NDEL1: variants seen among roughly 807,000 people sequenced by gnomAD.
NDEL1 encodes the protein nudE neurodevelopment protein 1 like 1, also known as nuclear distribution protein nudE-like 1.
Under a neutral mutation model 45.7 loss-of-function variants are expected in NDEL1, and 9 were observed. The ratio of observed to expected loss-of-function variants is 0.20; its 90% CI spans 0.12 to 0.34. NDEL1 has a LOEUF of 0.34. Ranked by LOEUF, NDEL1 falls within the 10% of genes least tolerant of loss-of-function variation. The pLI is 1.00. For synonymous variants in NDEL1, 133 were observed against 158.6 expected (o/e 0.84, Z 1.21); for missense variants, 306 against 406.2 (o/e 0.75, Z 2.12).
At chr17:8,422,684 G>A (rs548812895) in intron 1 of NDEL1, among the ~76,000 whole-genome samples, 13 of 151,964 alleles carry the variant, frequency 8.6e-5, no homozygotes, top group African/African-American at 1.9e-4. Context: ...AATTTTCAAC[G>A]GAAAATGTTT....
At chr17:8,444,192 A>C in intron 1 of NDEL1, 68 bp from the exon 2 acceptor site, 1 of 1,002,912 alleles carries the variant, frequency 1.0e-6, no homozygotes, top group Non-Finnish European at 1.6e-6. Context: ...GTGTTGTCCC[A>C]GATTTTATGC....
downstream of NDEL1, among the ~76,000 whole-genome samples, chr17:8,469,802 C>T (rs1197200146): frequency 1.3e-5 from 2 of 151,004 alleles, no homozygotes; most frequent in Admixed American, 6.6e-5. Context: ...CTCCCGGGTT[C>T]CAGCGATTCT....
chr17:8,433,026 T>G (rs1245487373), upstream of NDEL1, among the ~76,000 whole-genome samples: 1 of 152,004 alleles, frequency 6.6e-6, no homozygotes, highest in African/African-American at 2.4e-5. Context: ...ACTACTTCCA[T>G]CTCTTGGTAG....
intron 4 of NDEL1, 88 bp downstream of exon 4, chr17:8,446,990 G>C: frequency 1.4e-6 from 2 of 1,468,786 alleles, no homozygotes; most frequent in Admixed American, 2.1e-5. Flanking sequence ...CTAGATCTTA[G>C]TCCCAGAACA....
chr17:8,454,328 A>C (rs1273035595), intron 6 of NDEL1, among the ~76,000 whole-genome samples: 6 of 152,190 alleles, frequency 3.9e-5, no homozygotes, highest in Non-Finnish European at 8.8e-5. Flanking sequence ...AAGAGATTCA[A>C]ATGACTAGTT....
upstream of NDEL1, among the ~76,000 whole-genome samples, chr17:8,432,328 A>AATATAT (rs1567722336): frequency 4.8e-4 from 51 of 106,482 alleles, no homozygotes; most frequent in African/African-American, 1.3e-3. Flanking sequence ...TTTATATATA[A>AATATAT]ATATATATAT....
chr17:8,450,749 T>C (rs376232434), intron 5 of NDEL1, 31 bp from the exon 6 acceptor site: 4 of 1,587,202 alleles, frequency 2.5e-6, no homozygotes, highest in Non-Finnish European at 3.4e-6. Context: ...CTCTAGTGAG[T>C]ATTCCTGCCC....
In NDEL1 at chr17:8,450,806, G is replaced by A. The variant is rs1248009933; in HGVS notation, c.553G>A (p.Glu185Lys). The A allele has an allele frequency of 1.2e-6, 2 of 1,610,538 alleles. No homozygotes were observed. Among genetic ancestry groups the A allele is most frequent in the East Asian group, 2.2e-5 (1 of 44,572 alleles). ...TTTAAGGCAAGAACTAGCAGTTCGG[G>A]AAAGACAACAGGAAGTAACTAGAAA... ...RDLRQELAVR[E>K]RQQEVTRKSA... The change falls in exon 6 of 9, where the codon GAA becomes AAA. Residue 185 changes from glutamate (E) to lysine (K), a missense_variant. Physicochemically the swap from Glu to Lys is moderately conservative, Grantham distance 56. This residue lies in a region of NDEL1 where 175 missense variants were observed against 205.2 expected (regional missense o/e 0.85). Transcript: ENST00000334527.
Position 8,414,029 on chromosome 17 carries a change from T to A in NDEL1, c.-13+760T>A, listed in dbSNP as rs181785608. On this transcript the variant is annotated intron_variant, in intron 1 of 4. Transcript: ENST00000582812. ...CTAGACTTTTAAATGAATATTTTTATGTCAAATTCTACTTACTGTCTTTCA... is the reference window on the plus strand; with the variant it reads ...CTAGACTTTTAAATGAATATTTTTAAGTCAAATTCTACTTACTGTCTTTCA... Among the ~76,000 whole-genome samples the A allele has an allele frequency of 4.8e-3, 730 of 152,334 alleles. 1 individual carries two copies. Among genetic ancestry groups the A allele is most frequent in the Non-Finnish European group, 6.5e-3 (439 of 68,038 alleles).
chr17:8,446,635 T>G, intron 3 of NDEL1, 119 bp from the exon 4 acceptor site: 1 of 969,042 alleles, frequency 1.0e-6, no homozygotes, highest in Non-Finnish European at 1.5e-6. Context: ...TTAAAGTAAT[T>G]GTTACAAGAG....
chr17:8,458,862 G>A (rs1331731705), intron 7 of NDEL1, among the ~76,000 whole-genome samples: 1 of 152,074 alleles, frequency 6.6e-6, no homozygotes, highest in East Asian at 1.9e-4. Context: ...GCGTAGCTGG[G>A]ATTACAGGTG....
At chr17:8,414,925 T>C (rs1908508724) in intron 1 of NDEL1, among the ~76,000 whole-genome samples, 1 of 152,208 alleles carries the variant, frequency 6.6e-6, no homozygotes, top group Non-Finnish European at 1.5e-5. Context: ...CTATTATCTA[T>C]TAGATTATCT....
chr17:8,449,135 A>C (rs1009739048), intron 5 of NDEL1, among the ~76,000 whole-genome samples: 1 of 152,146 alleles, frequency 6.6e-6, no homozygotes, highest in African/African-American at 2.4e-5. Flanking sequence ...GGCGCCCGCC[A>C]CCACACCCAG....
At chr17:8,436,710 C>G (rs1029735729) in intron 1 of NDEL1, 2 of 152,250 alleles carry the variant, frequency 1.3e-5, no homozygotes, top group African/African-American at 2.4e-5. Flanking sequence ...AGTTCTGTCA[C>G]CACTGATTAT....
chr17:8,415,797 G>A (rs1008506048), intron 1 of NDEL1, among the ~76,000 whole-genome samples: 11 of 152,072 alleles, frequency 7.2e-5, no homozygotes, highest in African/African-American at 1.9e-4. Flanking sequence ...GCCCAGGCTG[G>A]AGTGTGATGG....
At chr17:8,419,988 G>A (rs1908661427) in intron 1 of NDEL1, among the ~76,000 whole-genome samples, 1 of 152,184 alleles carries the variant, frequency 6.6e-6, no homozygotes, top group African/African-American at 2.4e-5. Context: ...GACACAGACT[G>A]GTCTAAGAGC....
chr17:8,428,349 TGTGTGTGTG>T lies in NDEL1; in HGVS notation c.-13+15081_-13+15089del, dbSNP rs1567721205. 6.7e-5 allele frequency among the ~76,000 whole-genome samples: 9 copies of T among 135,122 alleles called. 3 individuals are homozygous for T. Among genetic ancestry groups the T allele is most frequent in the Non-Finnish European group, 8.0e-5 (5 of 62,566 alleles). The allele number at this position is 135,122 out of a possible 152,430, so 88.6% of individuals were successfully genotyped here. ...GTGTGTGTGTGTGTGTGTGTGTGTG[TGTGTGTGTG>T]TGTATTTTTTTTTTTTTTTTTTCCG... On this transcript the variant is annotated intron_variant, in intron 1 of 4. Coordinates refer to the NDEL1 transcript ENST00000582812.
upstream of NDEL1, among the ~76,000 whole-genome samples, chr17:8,434,146 T>TG (rs1419447969): frequency 6.6e-6 from 1 of 152,240 alleles, no homozygotes; most frequent in Non-Finnish European, 1.5e-5. Flanking sequence ...GCGTGCCGCA[T>TG]GGAGGCTGGT....
At chr17:8,464,712 T>C (rs1911461375) in intron 8 of NDEL1, 1 of 152,372 alleles carries the variant, frequency 6.6e-6, no homozygotes, top group Non-Finnish European at 1.5e-5. Flanking sequence ...TTCTGAGGGC[T>C]GCTAGGTGGC....
Sources: gnomAD v4.1 joint callset for allele counts (sites outside exome capture counted in the v4.1 genomes callset) on GRCh38, gnomAD v4.1.1 for gene constraint, gnomAD v4.1.1 regional missense constraint, MANE v1.5 for transcripts, NCBI Gene and HGNC (gene_info 2026-07-23, HGNC 2026-07-21) for gene names.